Variants in PCDHA1 observed in about 807,000 individuals in gnomAD.
The protein encoded by PCDHA1 is protocadherin alpha 1.
Under a neutral mutation model 61.3 loss-of-function variants are expected in PCDHA1, and 42 were observed. The observed-to-expected ratio is 0.69, with a 90% CI of 0.54 to 0.89. PCDHA1 has a LOEUF of 0.89. PCDHA1 is among the 40% of genes least tolerant of loss of function. The probability of loss-of-function intolerance (pLI) is 0.00; values close to 1 mark genes in which losing one functional copy is unlikely to be tolerated. For synonymous variants in PCDHA1, 610 were observed against 553.8 expected (o/e 1.10, Z -1.43); for missense variants, 1,256 against 1,235.3 (o/e 1.02, Z -0.25).
intron 1 of PCDHA1, among the ~76,000 whole-genome samples, chr5:140,886,777 G>A (rs2061124221): frequency 1.4e-5 from 2 of 140,408 alleles, no homozygotes; most frequent in South Asian, 4.7e-4. Flanking sequence ...AGTGAGATGA[G>A]ATCATGCTAC....
At chr5:140,962,318 A>G (rs2095672102) in intron 1 of PCDHA1, among the ~76,000 whole-genome samples, 1 of 152,338 alleles carries the variant, frequency 6.6e-6, no homozygotes, top group South Asian at 2.1e-4. Context: ...GGCCATCTCA[A>G]TTGAGAATAC....
chr5:140,808,115 T>C (rs782793067), intron 1 of PCDHA1: 1 of 1,614,098 alleles, frequency 6.2e-7, no homozygotes, highest in East Asian at 2.2e-5. Flanking sequence ...ATATATTGAC[T>C]TTGAAGAAAG....
chr5:140,990,758 C>G (rs1432023166), intron 3 of PCDHA1, among the ~76,000 whole-genome samples: 1 of 152,162 alleles, frequency 6.6e-6, no homozygotes, highest in African/African-American at 2.4e-5. Flanking sequence ...ACCTTTGAGC[C>G]TGTAAATTTG....
intron 1 of PCDHA1, chr5:140,929,360 C>G (rs781864515): frequency 5.3e-6 from 8 of 1,519,748 alleles, no homozygotes; most frequent in Non-Finnish European, 6.2e-6. Flanking sequence ...TTCCTTTGGC[C>G]CGGAGATGGC....
intron 3 of PCDHA1, among the ~76,000 whole-genome samples, chr5:140,985,544 G>T (rs1426303468): frequency 6.6e-6 from 1 of 152,108 alleles, no homozygotes; most frequent in Non-Finnish European, 1.5e-5. Flanking sequence ...TGAAGATGCA[G>T]TTGCTTCCAA....
chr5:140,800,081 G>A (rs1409561561), intron 1 of PCDHA1, among the ~76,000 whole-genome samples: 1 of 152,068 alleles, frequency 6.6e-6, no homozygotes, highest in African/African-American at 2.4e-5. Context: ...CTGGAATCTA[G>A]AAATTCATCA....
At chr5:140,845,675 A>G (rs2150380480) in intron 1 of PCDHA1, among the ~76,000 whole-genome samples, 6 of 149,762 alleles carry the variant, frequency 4.0e-5, no homozygotes, top group African/African-American at 7.3e-5. Context: ...AGCCATTGGT[A>G]AAGGATTTGT....
intron 3 of PCDHA1, among the ~76,000 whole-genome samples, chr5:141,000,403 A>G (rs1233777704): frequency 4.8e-5 from 4 of 84,110 alleles, no homozygotes; most frequent in Non-Finnish European, 9.0e-5. Context: ...CTCTATATAT[A>G]TATATATATA....
At chr5:140,927,590 T>C (rs782100491) in intron 1 of PCDHA1, 21 of 1,614,058 alleles carry the variant, frequency 1.3e-5, no homozygotes, top group Non-Finnish European at 1.4e-5. Flanking sequence ...GCGCCTGTAT[T>C]TGAGCGCTCC....
intron 1 of PCDHA1, chr5:140,863,574 T>C (rs1162134770): frequency 2.7e-6 from 1 of 367,398 alleles, no homozygotes; most frequent in Non-Finnish European, 5.3e-6. Flanking sequence ...ATATAAGTAC[T>C]GTAATCCTGG....
At chr5:140,807,372 G>T (rs2149996852) in intron 1 of PCDHA1, 1 of 1,607,576 alleles carries the variant, frequency 6.2e-7, no homozygotes, top group East Asian at 2.2e-5. Flanking sequence ...CTGGTGCCGC[G>T]CCTGTTCCGG....
Position 140,853,160 on chromosome 5 carries a change from T to C in PCDHA1, c.2394+64476T>C, listed in dbSNP as rs2150529157. 1.0e-3 allele frequency: 954 copies of C among 925,650 alleles called. 57 individuals carry two copies. The highest frequency in any genetic ancestry group is 1.2e-3 in the Non-Finnish European group (917 of 763,430). 57.3% of individuals were successfully genotyped at this position (925,650 alleles called of 1,614,324 possible). ...TCCCAAAATGCTGGGATTACAGGCG[T>C]GAGCCACCGCGCCTGGCCTAAAATG... On this transcript the variant is annotated intron_variant, in intron 1 of 3. Transcript: ENST00000504120.
chr5:140,956,852 G>A (rs931766503), intron 1 of PCDHA1, among the ~76,000 whole-genome samples: 1 of 152,062 alleles, frequency 6.6e-6, no homozygotes. Flanking sequence ...TGGGTTAAAT[G>A]GTTGAATGAA....
At position 140,957,560 on chromosome 5, in the gene PCDHA1, G is replaced by A. The variant is rs940495695; in HGVS notation, c.2395-21389G>A. ...TTAGAAAGTATTCTCTGTGGAAAAGGAGGGACTACTGTACTTTTAACAAAG... is the reference window on the plus strand; with the variant it reads ...TTAGAAAGTATTCTCTGTGGAAAAGAAGGGACTACTGTACTTTTAACAAAG... On this transcript the variant is annotated intron_variant, in intron 1 of 3. Transcript: ENST00000504120. 2.0e-5 allele frequency among the ~76,000 whole-genome samples: 3 copies of A among 152,074 alleles called. No homozygotes were observed. In the East Asian group the frequency reaches 5.8e-4, roughly 29 times the overall value.
At chr5:140,828,819 A>G (rs140245330) in intron 1 of PCDHA1, 13 of 1,614,106 alleles carry the variant, frequency 8.1e-6, no homozygotes, top group Non-Finnish European at 1.1e-5. Context: ...CCCACTTTCG[A>G]ACAGTCTGAA....
At chr5:140,805,596 A>G (rs1763602146) in intron 1 of PCDHA1, 1 of 927,716 alleles carries the variant, frequency 1.1e-6, no homozygotes, top group Non-Finnish European at 1.3e-6. Context: ...ATGTCTTTAT[A>G]TATTAAATTT....
intron 1 of PCDHA1, chr5:140,853,216 G>T: frequency 1.0e-6 from 1 of 983,832 alleles, no homozygotes; most frequent in Non-Finnish European, 1.2e-6. Context: ...TGTATTGATG[G>T]GATTGGTAAT....
At chr5:140,967,792 A>C (rs371669028) in intron 1 of PCDHA1, 5 of 1,614,212 alleles carry the variant, frequency 3.1e-6, no homozygotes, top group Non-Finnish European at 4.2e-6. Flanking sequence ...ACCGGGGTCC[A>C]GTGCCCATGG....
chr5:140,904,499 A>G (rs1554191555), intron 1 of PCDHA1, among the ~76,000 whole-genome samples: 1 of 151,770 alleles, frequency 6.6e-6, no homozygotes, highest in Non-Finnish European at 1.5e-5. Flanking sequence ...AATTTTTACA[A>G]TTGTGAATTG....
Sources: allele counts gnomAD v4.1 joint callset (sites outside exome capture counted in the v4.1 genomes callset), GRCh38; gene constraint gnomAD v4.1.1; transcripts MANE v1.5; gene names NCBI Gene and HGNC (gene_info 2026-07-23, HGNC 2026-07-21).